The following SUGCT variants were observed in gnomAD, a reference collection of about 807,000 sequenced individuals.
The protein encoded by SUGCT is succinyl-CoA:glutarate-CoA transferase, also known as succinyl-CoA:glutarate CoA-transferase.
In SUGCT, 41 loss-of-function variants were observed where a neutral mutation model predicts 55.0. That is an observed-to-expected ratio of 0.74 (90% confidence interval 0.58 to 0.97). The LOEUF is 0.97. SUGCT is among the 50% of genes least tolerant of loss of function. The pLI is 0.00. For missense variants in SUGCT, 568 were observed against 547.8 expected, an observed-to-expected ratio of 1.04 and a Z score of -0.37; for synonymous variants, 187 against 200.4, an observed-to-expected ratio of 0.93 and a Z score of 0.56.
chr7:40,737,994 G>A (rs1038262451), intron 12 of SUGCT, among the ~76,000 whole-genome samples: 8 of 151,606 alleles, frequency 5.3e-5, no homozygotes, highest in African/African-American at 1.9e-4. Flanking sequence ...GAGGTCAGGA[G>A]ATCAAGACCA....
chr7:40,551,294 C>T (rs1342041562), intron 12 of SUGCT, among the ~76,000 whole-genome samples: 2 of 152,152 alleles, frequency 1.3e-5, no homozygotes, highest in East Asian at 1.9e-4. Context: ...TACGTTTCTG[C>T]TGAATATAAC....
At chr7:40,998,104 C>T in the SUGCT span, among the ~76,000 whole-genome samples, 9 of 152,174 alleles carry the variant, frequency 5.9e-5, no homozygotes, top group African/African-American at 2.2e-4. Context: ...CAGTGGCTCA[C>T]ACCTGTAATC....
chr7:40,394,347 T>A (rs978969673), intron 9 of SUGCT, among the ~76,000 whole-genome samples: 2 of 152,158 alleles, frequency 1.3e-5, no homozygotes, highest in Admixed American at 1.3e-4. Context: ...TATTTTAGGC[T>A]TCGTGGTCTA....
At chr7:40,299,286 C>T (rs750484272) in intron 8 of SUGCT, among the ~76,000 whole-genome samples, 1 of 152,304 alleles carries the variant, frequency 6.6e-6, no homozygotes, top group South Asian at 2.1e-4. Flanking sequence ...CACATCCTGT[C>T]TGAGGAGAGA....
the SUGCT span, among the ~76,000 whole-genome samples, chr7:40,874,276 C>G: frequency 6.6e-6 from 1 of 152,176 alleles, no homozygotes; most frequent in African/African-American, 2.4e-5. Flanking sequence ...GAAGATGGCC[C>G]TGACAGTTGT....
At chr7:40,951,753 T>C in the SUGCT span, among the ~76,000 whole-genome samples, 4 of 152,198 alleles carry the variant, frequency 2.6e-5, no homozygotes, top group Non-Finnish European at 5.9e-5. Context: ...TTCCATGTAG[T>C]TGAGTGGTTT....
intron 6 of SUGCT, among the ~76,000 whole-genome samples, chr7:40,205,336 C>T (rs1368199669): frequency 6.6e-6 from 1 of 151,292 alleles, no homozygotes; most frequent in Non-Finnish European, 1.5e-5. Flanking sequence ...AGTGATTTCC[C>T]ATTCTGTTAA....
At chr7:41,015,493 G>A in the SUGCT span, among the ~76,000 whole-genome samples, 1 of 152,120 alleles carries the variant, frequency 6.6e-6, no homozygotes, top group Non-Finnish European at 1.5e-5. Context: ...TTTGAAAGTA[G>A]AGCCCTAAAT....
intron 12 of SUGCT, among the ~76,000 whole-genome samples, chr7:40,530,546 A>T (rs1372879171): frequency 6.6e-6 from 1 of 152,214 alleles, no homozygotes; most frequent in Non-Finnish European, 1.5e-5. Flanking sequence ...TTGTAAGCTG[A>T]AAGACCTTGA....
At chr7:40,884,590 A>T in the SUGCT span, among the ~76,000 whole-genome samples, 1 of 151,958 alleles carries the variant, frequency 6.6e-6, no homozygotes, top group Non-Finnish European at 1.5e-5. Context: ...TTTTTCCTGA[A>T]TTTTTTCCCG....
chr7:40,752,543 A>G (rs1788069601), intron 13 of SUGCT, among the ~76,000 whole-genome samples: 1 of 152,036 alleles, frequency 6.6e-6, no homozygotes, highest in African/African-American at 2.4e-5. Context: ...TTTAGTAGAG[A>G]CGGGATTTCA....
chr7:40,641,524 G>A lies in SUGCT; in HGVS notation c.1090-107910G>A, dbSNP rs141261634. Among the ~76,000 whole-genome samples, 884 of 152,210 alleles carry A rather than the reference G, an allele frequency of 5.8e-3. 2 individuals are homozygous for A. The highest frequency in any genetic ancestry group is 8.6e-3 in the Non-Finnish European group (586 of 68,022). Reference sequence around the variant, plus strand: ...ATTGAATCCAACTTAAGTATGGCTGGTTCTGTTACCCTAATAATTTTCCTT... The same window carrying A: ...ATTGAATCCAACTTAAGTATGGCTGATTCTGTTACCCTAATAATTTTCCTT... On this transcript the variant is annotated intron_variant, in intron 12 of 13. Coordinates refer to ENST00000335693, the MANE Select transcript of SUGCT (RefSeq NM_001193313.2).
chr7:40,232,958 G>C lies in SUGCT; in HGVS notation c.485-4677G>C, dbSNP rs900678797. On this transcript the variant is annotated intron_variant, in intron 6 of 13. Transcript: ENST00000335693. ...TGTAAAGCTAAAAATAAAATTTAAAGGAACTATCTGGATCCCAGGCTTAAC... is the reference window on the plus strand; with the variant it reads ...TGTAAAGCTAAAAATAAAATTTAAACGAACTATCTGGATCCCAGGCTTAAC... Among the ~76,000 whole-genome samples the C allele has an allele frequency of 2.0e-5, 3 of 152,110 alleles. No homozygotes were observed. The East Asian group carries it at 5.8e-4, about 29-fold the overall frequency.
intron 13 of SUGCT, among the ~76,000 whole-genome samples, chr7:40,831,550 A>G (rs1017502187): frequency 6.6e-6 from 1 of 152,218 alleles, no homozygotes; most frequent in Non-Finnish European, 1.5e-5. Flanking sequence ...AATATTATCA[A>G]TGATGGTTAG....
At chr7:40,309,479 G>C (rs189427275) in intron 8 of SUGCT, among the ~76,000 whole-genome samples, 11 of 152,230 alleles carry the variant, frequency 7.2e-5, no homozygotes, top group African/African-American at 2.6e-4. Flanking sequence ...ATTTTTAGTA[G>C]AGATGGGGTT....
At chr7:40,968,350 C>A in the SUGCT span, among the ~76,000 whole-genome samples, 20 of 152,190 alleles carry the variant, frequency 1.3e-4, no homozygotes, top group Non-Finnish European at 1.5e-5. Flanking sequence ...CCGTGTCTGC[C>A]GAGTCCACTG....
intron 13 of SUGCT, among the ~76,000 whole-genome samples, chr7:40,762,812 C>CTT (rs781414612): frequency 4.1e-5 from 6 of 145,080 alleles, no homozygotes; most frequent in East Asian, 4.0e-4. Context: ...AAACAACTCT[C>CTT]TTTTTTTTTT....
At chr7:40,786,911 AC>A (rs908807237) in intron 13 of SUGCT, among the ~76,000 whole-genome samples, 6 of 152,318 alleles carry the variant, frequency 3.9e-5, no homozygotes, top group African/African-American at 1.4e-4. Context: ...GATTCTAGTA[AC>A]CAGTATGAAT....
intron 9 of SUGCT, among the ~76,000 whole-genome samples, chr7:40,325,261 G>A (rs923512596): frequency 6.6e-6 from 1 of 150,626 alleles, no homozygotes; most frequent in Admixed American, 6.6e-5. Flanking sequence ...AAATATAAAT[G>A]ATATACATCT....
Sources: gnomAD v4.1 joint callset for allele counts (sites outside exome capture counted in the v4.1 genomes callset) on GRCh38, gnomAD v4.1.1 for gene constraint, MANE v1.5 for transcripts, NCBI Gene and HGNC (gene_info 2026-07-23, HGNC 2026-07-21) for gene names.